EPC2: variants seen among roughly 807,000 people sequenced by gnomAD.
The protein encoded by EPC2 is enhancer of polycomb homolog 2.
Under a neutral mutation model 92.1 loss-of-function variants are expected in EPC2, and 14 were observed. The observed-to-expected ratio is 0.15, with a 90% CI of 0.10 to 0.24. EPC2 has a LOEUF of 0.24. Ranked by LOEUF, EPC2 falls within the 10% of genes least tolerant of loss-of-function variation. EPC2 has a pLI of 1.00. For synonymous variants in EPC2, 340 were observed against 334.7 expected (o/e 1.02, Z -0.17); for missense variants, 755 against 971.5 (o/e 0.78, Z 2.96).
chr2:148,678,027 A>G (rs1681307262), intron 1 of EPC2, among the ~76,000 whole-genome samples: 2 of 152,136 alleles, frequency 1.3e-5, no homozygotes, highest in South Asian at 4.1e-4. Flanking sequence ...GCCTGCTTTT[A>G]TTCTCTTATC....
intron 2 of EPC2, among the ~76,000 whole-genome samples, chr2:148,699,689 ACTG>A (rs1681834445): frequency 1.3e-5 from 2 of 152,180 alleles, no homozygotes; most frequent in Non-Finnish European, 2.9e-5. Context: ...TATAAATAAA[ACTG>A]CTCTAAACAT....
intron 10 of EPC2, among the ~76,000 whole-genome samples, chr2:148,779,180 G>A (rs191078473): frequency 2.3e-4 from 35 of 152,268 alleles, no homozygotes; most frequent in Admixed American, 2.0e-3. Flanking sequence ...TTTTTAATAT[G>A]TACACAAATG....
In EPC2 at chr2:148,656,066, C is replaced by CT. The variant is rs1680793343; in HGVS notation, c.153+10902dup. Reference sequence around the variant, plus strand: ...ATTCTAGAAAATTTCTAGACAAAGGCTTTTTTACTCGGTAAAGTAACCAAG... The same window carrying CT: ...ATTCTAGAAAATTTCTAGACAAAGGCTTTTTTTACTCGGTAAAGTAACCAAG... On this transcript the variant is annotated intron_variant, in intron 1 of 13. Coordinates refer to ENST00000258484, the MANE Select transcript of EPC2 (RefSeq NM_015630.4). 4.6e-5 allele frequency among the ~76,000 whole-genome samples: 6 copies of CT among 129,798 alleles called. No individual in the cohort carries two copies. The South Asian group carries it at 1.6e-3, about 35-fold the overall frequency. 85.2% of individuals were successfully genotyped at this position (129,798 alleles called of 152,430 possible). A position where few individuals can be genotyped will look rare whatever the true frequency, so the allele number is the denominator to read the frequency against.
chr2:148,666,680 C>CA (rs1681061577), intron 1 of EPC2, among the ~76,000 whole-genome samples: 1 of 152,160 alleles, frequency 6.6e-6, no homozygotes, highest in African/African-American at 2.4e-5. Flanking sequence ...TGGTGGTTCT[C>CA]AGAGTGTAGT....
chr2:148,661,435 G>A (rs1680931330), intron 1 of EPC2, among the ~76,000 whole-genome samples: 1 of 152,026 alleles, frequency 6.6e-6, no homozygotes, highest in Admixed American at 6.6e-5. Context: ...ATGTAATTGA[G>A]TTAGATACCA....
intron 1 of EPC2, among the ~76,000 whole-genome samples, chr2:148,673,113 C>A (rs957625131): frequency 1.1e-4 from 17 of 152,114 alleles, no homozygotes; most frequent in African/African-American, 3.9e-4. Context: ...TTTCAAGATT[C>A]TCTGTCTTTG....
intron 1 of EPC2, among the ~76,000 whole-genome samples, chr2:148,685,980 G>A (rs1476025597): frequency 6.6e-6 from 1 of 152,152 alleles, no homozygotes; most frequent in Admixed American, 6.5e-5. Flanking sequence ...AGACTGATCA[G>A]GGTAATGTTT....
intron 10 of EPC2, among the ~76,000 whole-genome samples, chr2:148,774,305 G>A (rs1275108022): frequency 6.6e-6 from 1 of 152,146 alleles, no homozygotes; most frequent in African/African-American, 2.4e-5. Context: ...CCTGATTAAC[G>A]TTTTCCATGT....
intron 6 of EPC2, among the ~76,000 whole-genome samples, chr2:148,764,623 A>G (rs1683373071): frequency 6.6e-6 from 1 of 152,236 alleles, no homozygotes; most frequent in South Asian, 2.1e-4. Context: ...GTTAATTTTT[A>G]TCAATACAGC....
At chr2:148,720,358 G>C (rs1043749427) in intron 2 of EPC2, among the ~76,000 whole-genome samples, 1 of 152,156 alleles carries the variant, frequency 6.6e-6, no homozygotes, top group African/African-American at 2.4e-5. Flanking sequence ...GCCTATTGCT[G>C]GTGGCTGCTT....
chr2:148,753,924 T>C lies in EPC2; in HGVS notation c.460-3T>C. The C allele has an allele frequency of 6.2e-7, 1 of 1,603,984 alleles. No individual in the cohort carries two copies. Among genetic ancestry groups the C allele is most frequent in the Non-Finnish European group, 8.5e-7 (1 of 1,175,236 alleles). The stretch of plus-strand genomic sequence containing the variant: ...CCAATGACATTTTGTATTTTTCATT[T>C]AGCTTGTAACACTTCAAGAAGCAAA... On this transcript the variant is annotated splice_polypyrimidine_tract_variant and splice_region_variant and intron_variant, in intron 3 of 13. Transcript: ENST00000258484.
intron 10 of EPC2, among the ~76,000 whole-genome samples, chr2:148,780,166 A>G (rs1406404888): frequency 3.9e-5 from 6 of 152,202 alleles, no homozygotes; most frequent in Non-Finnish European, 8.8e-5. Context: ...GTGTACTTCA[A>G]AAATACAGGT....
intron 2 of EPC2, among the ~76,000 whole-genome samples, chr2:148,720,798 C>T (rs1008168834): frequency 2.6e-5 from 4 of 152,156 alleles, no homozygotes; most frequent in Non-Finnish European, 5.9e-5. Context: ...CCTCATTCCC[C>T]GTGGGTCGAG....
At chr2:148,770,042 A>G (rs1157383862) in intron 8 of EPC2, among the ~76,000 whole-genome samples, 1 of 151,994 alleles carries the variant, frequency 6.6e-6, no homozygotes, top group African/African-American at 2.4e-5. Flanking sequence ...ATATTTATTT[A>G]TTTACTTATT....
chr2:148,750,680 T>C (rs1427525067), intron 3 of EPC2, among the ~76,000 whole-genome samples: 1 of 152,142 alleles, frequency 6.6e-6, no homozygotes, highest in Admixed American at 6.6e-5. Context: ...TCCAGTGTTA[T>C]CTATTTAGAA....
intron 10 of EPC2, among the ~76,000 whole-genome samples, chr2:148,780,743 CAG>C (rs971807612): frequency 3.3e-5 from 5 of 152,094 alleles, no homozygotes; most frequent in African/African-American, 4.8e-5. Flanking sequence ...ATAAAGAAAA[CAG>C]AGCAAAATTA....
At chr2:148,727,679 T>C (rs745399453) in intron 2 of EPC2, among the ~76,000 whole-genome samples, 3 of 152,332 alleles carry the variant, frequency 2.0e-5, no homozygotes, top group Non-Finnish European at 4.4e-5. Context: ...CATTCTATGC[T>C]TGTTAAGAGT....
At chr2:148,718,492 A>G (rs966899309) in intron 2 of EPC2, among the ~76,000 whole-genome samples, 1 of 152,152 alleles carries the variant, frequency 6.6e-6, no homozygotes, top group African/African-American at 2.4e-5. Context: ...TCCTTTGCTT[A>G]TGAAGCTTAG....
At chr2:148,781,430 ACTTTT>A (rs1295862769) in intron 10 of EPC2, among the ~76,000 whole-genome samples, 4 of 152,232 alleles carry the variant, frequency 2.6e-5, no homozygotes, top group South Asian at 4.1e-4. Context: ...ACATTTAGGC[ACTTTT>A]CTTAGCATGT....
Sources: allele counts gnomAD v4.1 joint callset (sites outside exome capture counted in the v4.1 genomes callset), GRCh38; gene constraint gnomAD v4.1.1; transcripts MANE v1.5; gene names NCBI Gene and HGNC (gene_info 2026-07-23, HGNC 2026-07-21).